XRN1: variants seen among roughly 807,000 people sequenced by gnomAD.
The protein encoded by XRN1 is strand-exchange protein 1 homolog.
A neutral mutation model predicts 222.3 loss-of-function variants in XRN1; 67 were observed. That is an observed-to-expected ratio of 0.30 (90% CI 0.25 to 0.37). The LOEUF (loss-of-function observed/expected upper bound fraction) is 0.37. Ranked by LOEUF, XRN1 falls within the 10% of genes least tolerant of loss-of-function variation. The pLI is 1.00. For synonymous variants in XRN1, 643 were observed against 652.4 expected (o/e 0.99, Z 0.22); for missense variants, 1,707 against 2,000.2 (o/e 0.85, Z 2.80).
chr3:142,356,590 C>T (rs932759596), intron 31 of XRN1, among the ~76,000 whole-genome samples: 1 of 152,032 alleles, frequency 6.6e-6, no homozygotes, highest in Admixed American at 6.5e-5. Flanking sequence ...TAGCAGATAG[C>T]ATAGGACATT....
chr3:142,361,221 C>T (rs115924719), intron 29 of XRN1, among the ~76,000 whole-genome samples: 4,181 of 152,226 alleles, frequency 0.027, 83 homozygotes, highest in Middle Eastern at 0.054. Context: ...GTAGTTGTTT[C>T]TTTTTTATAG....
chr3:142,354,438 G>A (rs1333325353), intron 32 of XRN1, among the ~76,000 whole-genome samples: 1 of 152,026 alleles, frequency 6.6e-6, no homozygotes, highest in Non-Finnish European at 1.5e-5. Flanking sequence ...TATACCCCAG[G>A]GAAAATAAAC....
At chr3:142,423,059 G>A (rs2069104622) in intron 6 of XRN1, 137 bp from the exon 7 acceptor site, 2 of 656,468 alleles carry the variant, frequency 3.0e-6, no homozygotes, top group East Asian at 2.7e-5. Context: ...TTTATATGAA[G>A]GTTGCAGGGT....
rs1344526744 is a variant in XRN1 at position 142,431,865 on chromosome 3, A to AT, written c.308+795dup. ...TTAAAAAATATATATATTATATATA[A>AT]TATATTATATTATATATATTATATA... On this transcript the variant is annotated intron_variant, in intron 2 of 40. Coordinates refer to ENST00000392981, the MANE Select transcript of XRN1 (RefSeq NM_001282857.2). Among the ~76,000 whole-genome samples, 3 of 31,874 alleles carry AT rather than the reference A, an allele frequency of 9.4e-5. No homozygotes were observed. The African/African-American group carries it at 1.1e-3, about 12-fold the overall frequency. 20.9% of individuals were successfully genotyped at this position (31,874 alleles called of 152,430 possible).
chr3:142,352,890 G>T (rs1301675634), intron 32 of XRN1, among the ~76,000 whole-genome samples: 2 of 152,002 alleles, frequency 1.3e-5, no homozygotes, highest in Non-Finnish European at 2.9e-5. Context: ...GTAATCCTTC[G>T]GCCTTGGCTT....
In XRN1 at chr3:142,383,390, A is replaced by G; in HGVS notation, c.2526T>C (p.Arg842=). 1 of 1,613,820 alleles carries G rather than the reference A, an allele frequency of 6.2e-7. No individual in the cohort carries two copies. Among genetic ancestry groups the G allele is most frequent in the Non-Finnish European group, 8.5e-7 (1 of 1,179,880 alleles). Residue 842 remains arginine (R), a synonymous_variant, in exon 22 of 41, where the codon CGT becomes CGC. Transcript: ENST00000392981. ...IVKDIRAFDS[R]FSNIKTLDDL... is the part of the protein sequence containing the mutation. Reference sequence around the variant, plus strand: ...CATCCAATGTTTTGATATTGGAGAAACGGGAGTCGAAAGCTCGGATGTCCT... The same window carrying G: ...CATCCAATGTTTTGATATTGGAGAAGCGGGAGTCGAAAGCTCGGATGTCCT...
intron 13 of XRN1, among the ~76,000 whole-genome samples, chr3:142,416,315 T>A (rs980300716): frequency 7.2e-5 from 11 of 152,138 alleles, no homozygotes; most frequent in Non-Finnish European, 1.2e-4. Flanking sequence ...CCCAAGTAGC[T>A]GGGACTACAG....
chr3:142,320,646 G>A (rs1481233871), intron 37 of XRN1, among the ~76,000 whole-genome samples: 4 of 152,034 alleles, frequency 2.6e-5, no homozygotes, highest in African/African-American at 9.7e-5. Flanking sequence ...ATGTCCAGAA[G>A]TTTTTCCTAG....
At position 142,318,615 on chromosome 3, in the gene XRN1, G is replaced by A. The variant is rs781075817; in HGVS notation, c.4598C>T (p.Pro1533Leu). The A allele has an allele frequency of 1.9e-6, 3 of 1,607,862 alleles. No individual in the cohort carries two copies. In the South Asian group the frequency reaches 3.4e-5, roughly 18 times the overall value. The change falls in exon 39 of 41, where the codon CCT becomes CTT. Residue 1533 changes from proline (P) to leucine (L), a missense_variant. This residue lies in a region of XRN1 where 473 missense variants were observed against 482.0 expected (regional missense o/e 0.98). Transcript: ENST00000392981. ...YPSAVPPGTI[P>L]PAFPPPTANI... ...ACCAGTAGGTGGGGGAAAGGCTGGA[G>A]GAATGGTTCCAGGTGGTACAGCTGA...
intron 3 of XRN1, 131 bp downstream of exon 3, chr3:142,426,607 CAAACAT>C: frequency 1.3e-6 from 1 of 756,612 alleles, no homozygotes; most frequent in Non-Finnish European, 2.1e-6. Context: ...GTCTCATGAG[CAAACAT>C]AAGTGGGAAA....
At chr3:142,318,178 T>G (rs2065257013) in intron 39 of XRN1, among the ~76,000 whole-genome samples, 1 of 152,178 alleles carries the variant, frequency 6.6e-6, no homozygotes, top group African/African-American at 2.4e-5. Context: ...CAACTGCTAT[T>G]AGGAAAAAAA....
chr3:142,311,516 CAGA>C lies in XRN1; in HGVS notation c.5077_5079del (p.Ser1693del), dbSNP rs750412854. ...CTTAATTCTAAGAGCCAAATTTACT[CAGA>C]AGGTTTAGAAACACCAAAATTAACA... On this transcript the variant is annotated inframe_deletion, in exon 41 of 41. Transcript: ENST00000392981. 6.3e-7 allele frequency: 1 copy of C among 1,584,168 alleles called. No individual in the cohort carries two copies. Among genetic ancestry groups the C allele is most frequent in the Non-Finnish European group, 8.6e-7 (1 of 1,163,330 alleles).
Position 142,311,041 on chromosome 3 carries a change from A to C in XRN1, c.*470T>G, listed in dbSNP as rs2065063582. 6.5e-6 allele frequency: 1 copy of C among 152,874 alleles called. No individual in the cohort carries two copies. Among genetic ancestry groups the C allele is most frequent in the African/African-American group, 2.4e-5 (1 of 41,458 alleles). 9.5% of individuals were successfully genotyped at this position (152,874 alleles called of 1,614,324 possible). On this transcript the variant is annotated 3_prime_UTR_variant, in exon 41 of 41. Coordinates refer to ENST00000392981, the MANE Select transcript of XRN1 (RefSeq NM_001282857.2). The stretch of plus-strand genomic sequence containing the variant: ...TCCTGACAATTTTCTTACATCATTA[A>C]AAAGAGAAATAAAATCCACATTCAG...
intron 20 of XRN1, among the ~76,000 whole-genome samples, chr3:142,389,519 T>C (rs2067637896): frequency 6.6e-6 from 1 of 152,162 alleles, no homozygotes; most frequent in Admixed American, 6.5e-5. Context: ...TTCACCTTGC[T>C]CAGATCCATC....
At chr3:142,371,142 A>C (rs2066978683) in intron 26 of XRN1, 97 bp downstream of exon 26, 2 of 1,048,622 alleles carry the variant, frequency 1.9e-6, no homozygotes, top group South Asian at 1.5e-5. Flanking sequence ...AAAAAAAAAA[A>C]AAAAAGTAAT....
intron 32 of XRN1, among the ~76,000 whole-genome samples, chr3:142,351,624 T>C (rs1443841991): frequency 1.3e-5 from 2 of 152,110 alleles, no homozygotes; most frequent in Non-Finnish European, 2.9e-5. Flanking sequence ...ATTAACTCCC[T>C]CCCGCTCTCT....
intron 32 of XRN1, among the ~76,000 whole-genome samples, chr3:142,349,483 A>G (rs1363247035): frequency 6.6e-6 from 1 of 151,996 alleles, no homozygotes; most frequent in Non-Finnish European, 1.5e-5. Flanking sequence ...GCTACTAACT[A>G]AATAGTAAAA....
intron 22 of XRN1, among the ~76,000 whole-genome samples, chr3:142,381,523 C>T (rs1048123474): frequency 2.7e-5 from 4 of 148,386 alleles, no homozygotes; most frequent in African/African-American, 9.9e-5. Flanking sequence ...GTATCCACTG[C>T]CTTTTTTTGT....
intron 27 of XRN1, among the ~76,000 whole-genome samples, chr3:142,369,082 T>C (rs968253622): frequency 6.6e-6 from 1 of 152,158 alleles, no homozygotes; most frequent in African/African-American, 2.4e-5. Flanking sequence ...GGGAGACAGC[T>C]CCAGAGCCCA....
Sources: gnomAD v4.1 joint callset for allele counts (sites outside exome capture counted in the v4.1 genomes callset) on GRCh38, gnomAD v4.1.1 for gene constraint, gnomAD v4.1.1 regional missense constraint, MANE v1.5 for transcripts, NCBI Gene and HGNC (gene_info 2026-07-23, HGNC 2026-07-21) for gene names.